Variants in ZNF239 observed in about 807,000 individuals in gnomAD.
ZNF239 encodes the protein zinc finger protein (C2H2) homologous to mouse MOK-2.
ZNF239 carries 16 observed loss-of-function variants against 27.5 expected under a neutral mutation model. That is an observed-to-expected ratio of 0.58 (90% CI 0.39 to 0.88). The LOEUF (loss-of-function observed/expected upper bound fraction) is 0.88. Ranked by LOEUF, ZNF239 falls within the 40% of genes least tolerant of loss-of-function variation. The pLI, the probability that ZNF239 is intolerant of heterozygous loss-of-function variation, is 0.00. For missense variants in ZNF239, 527 were observed against 551.9 expected (o/e 0.95, Z 0.45); for synonymous variants, 199 against 192.6 (o/e 1.03, Z -0.27).
chr10:43,572,876 C>T (rs1006347544), intron 2 of ZNF239, among the ~76,000 whole-genome samples: 10 of 152,128 alleles, frequency 6.6e-5, no homozygotes, highest in African/African-American at 2.4e-4. Flanking sequence ...TGTAGACATG[C>T]TAGTGAAAGA....
At chr10:43,566,578 G>A (rs1396957408) in intron 3 of ZNF239, among the ~76,000 whole-genome samples, 1 of 152,204 alleles carries the variant, frequency 6.6e-6, no homozygotes, top group South Asian at 2.1e-4. Context: ...GAGCCACTGT[G>A]CCCAGCCACT....
intron 3 of ZNF239, among the ~76,000 whole-genome samples, chr10:43,561,230 T>A (rs1837226649): frequency 6.6e-6 from 1 of 152,018 alleles, no homozygotes; most frequent in Admixed American, 6.6e-5. Context: ...AACAAAAAAA[T>A]GTTTCCTAGA....
At chr10:43,558,843 A>T (rs558158188) in intron 3 of ZNF239, among the ~76,000 whole-genome samples, 1 of 152,330 alleles carries the variant, frequency 6.6e-6, no homozygotes, top group African/African-American at 2.4e-5. Context: ...TTGCTTAACA[A>T]GCTAAAGCTT....
intron 3 of ZNF239, among the ~76,000 whole-genome samples, chr10:43,562,900 T>C (rs142303744): frequency 7.0e-4 from 106 of 152,330 alleles, no homozygotes; most frequent in African/African-American, 2.5e-3. Flanking sequence ...CGTACAATAC[T>C]TGGAAATGGC....
chr10:43,564,452 G>T (rs1220284301), intron 3 of ZNF239, among the ~76,000 whole-genome samples: 1 of 152,176 alleles, frequency 6.6e-6, no homozygotes, highest in Non-Finnish European at 1.5e-5. Flanking sequence ...TGGGATCTAG[G>T]AGTGTTAATA....
chr10:43,567,841 G>T (rs1837783203), intron 3 of ZNF239, 58 bp downstream of exon 3: 1 of 906,120 alleles, frequency 1.1e-6, no homozygotes, highest in Non-Finnish European at 1.3e-6. Flanking sequence ...TGTCAAAAAG[G>T]AAGTAGGAAA....
intron 3 of ZNF239, among the ~76,000 whole-genome samples, chr10:43,562,113 T>C (rs1259859774): frequency 6.6e-6 from 1 of 152,072 alleles, no homozygotes; most frequent in Non-Finnish European, 1.5e-5. Context: ...GGGGAGGTAA[T>C]ATAAAAAAGC....
chr10:43,570,551 C>A, intron 2 of ZNF239: 1 of 984,836 alleles, frequency 1.0e-6, no homozygotes, highest in Non-Finnish European at 1.2e-6. Context: ...CACCAATTAT[C>A]TTTTCTCTCC....
chr10:43,570,347 C>T, intron 2 of ZNF239: 1 of 985,346 alleles, frequency 1.0e-6, no homozygotes. Context: ...AAGGTTGCTG[C>T]CTTCAAGCTC....
Position 43,556,960 on chromosome 10 carries a change from G to A in ZNF239, c.1120C>T (p.Pro374Ser). 6.2e-7 allele frequency: 1 copy of A among 1,613,988 alleles called. No individual in the cohort carries two copies. Among genetic ancestry groups the A allele is most frequent in the Non-Finnish European group, 8.5e-7 (1 of 1,179,992 alleles). The change falls in exon 4 of 4, where the codon CCT (proline) becomes TCT (serine). Residue 374 changes from proline to serine, a missense_variant. Transcript: ENST00000374446. ...IHRCIHTGEK[P>S]YQCYECGKGF... Reference sequence around the variant, plus strand: ...TTCCCACACTCATAGCATTGGTAAGGCTTCTCTCCTGTGTGGATGCACCGG... The same window carrying A: ...TTCCCACACTCATAGCATTGGTAAGACTTCTCTCCTGTGTGGATGCACCGG...
intron 2 of ZNF239, among the ~76,000 whole-genome samples, chr10:43,568,982 G>A (rs574247724): frequency 2.6e-5 from 4 of 152,096 alleles, no homozygotes; most frequent in Non-Finnish European, 4.4e-5. Flanking sequence ...CCCGGGAGGC[G>A]GAGGTTGCAG....
intron 2 of ZNF239, among the ~76,000 whole-genome samples, chr10:43,573,093 T>C (rs779294203): frequency 1.3e-5 from 2 of 152,216 alleles, no homozygotes; most frequent in Non-Finnish European, 2.9e-5. Flanking sequence ...TTCTGATGCA[T>C]AGCCTAGTTG....
At chr10:43,558,484 TGCTGCCCAG>T (rs1836976121) in intron 3 of ZNF239, among the ~76,000 whole-genome samples, 1 of 152,182 alleles carries the variant, frequency 6.6e-6, no homozygotes, top group African/African-American at 2.4e-5. Context: ...AGTTTCACTC[TGCTGCCCAG>T]GCTGGAGTGC....
Position 43,573,637 on chromosome 10 carries a change from C to T in ZNF239, c.-216G>A, listed in dbSNP as rs1838174261. On this transcript the variant is annotated splice_region_variant and 5_prime_UTR_variant, in exon 2 of 4. Coordinates refer to ENST00000374446, the MANE Select transcript of ZNF239 (RefSeq NM_001099282.2). Reference sequence around the variant, plus strand: ...TAGGAGAAATGGAACGCCAACTCACCCGGACCCTGGTCATTTCTTACTCCC... The same window carrying T: ...TAGGAGAAATGGAACGCCAACTCACTCGGACCCTGGTCATTTCTTACTCCC... The T allele has an allele frequency of 1.0e-6, 1 of 985,288 alleles. No homozygotes were observed. The highest frequency in any genetic ancestry group is 1.2e-6 in the Non-Finnish European group (1 of 829,954). 61.0% of individuals were successfully genotyped at this position (985,288 alleles called of 1,614,324 possible). A position where few individuals can be genotyped will look rare whatever the true frequency, so the allele number is the denominator to read the frequency against.
In ZNF239 at chr10:43,557,575, GACT is replaced by G. The variant is rs1326980902; in HGVS notation, c.502_504del (p.Ser168del). On this transcript the variant is annotated inframe_deletion, in exon 4 of 4. Transcript: ENST00000374446. ...TTCTCCTCTGTATGAGCTCTCTGCT[GACT>G]ACAACTGACCACCTGTGATTTCCAT... is the stretch of plus-strand genomic sequence containing the variant. 1 of 1,614,132 alleles carries G rather than the reference GACT, an allele frequency of 6.2e-7. No homozygotes were observed. Among genetic ancestry groups the G allele is most frequent in the Non-Finnish European group, 8.5e-7 (1 of 1,180,026 alleles).
Position 43,557,489 on chromosome 10 carries a change from A to G in ZNF239, c.591T>C (p.Tyr197=). The change falls in exon 4 of 4, where the codon TAT becomes TAC. Residue 197 remains tyrosine (Y), a synonymous_variant. Coordinates refer to ENST00000374446, the MANE Select transcript of ZNF239 (RefSeq NM_001099282.2). The part of the protein sequence containing the change: ...ILNTSPDGHP[Y]EKIHTAEKQY... ...GTTTCTCTGCAGTGTGGATTTTCTC[A>G]TATGGATGACCATCTGGGCTGGTGT... is the stretch of plus-strand genomic sequence containing the variant. 1 of 1,614,112 alleles carries G rather than the reference A, an allele frequency of 6.2e-7. No individual in the cohort carries two copies. The highest frequency in any genetic ancestry group is 1.3e-5 in the African/African-American group (1 of 75,066).
intron 2 of ZNF239, chr10:43,570,333 A>G (rs1837950495): frequency 2.0e-6 from 2 of 985,320 alleles, no homozygotes; most frequent in African/African-American, 3.5e-5. Context: ...AACAAACAGA[A>G]GCAAAGGTTG....
At chr10:43,570,466 T>C (rs1247763420) in intron 2 of ZNF239, 34 of 985,038 alleles carry the variant, frequency 3.5e-5, no homozygotes, top group Non-Finnish European at 3.7e-5. Context: ...AAAAAAAATT[T>C]CTTTCTGTTT....
chr10:43,572,615 C>CGAAA (rs1432859285), intron 2 of ZNF239, among the ~76,000 whole-genome samples: 1 of 152,166 alleles, frequency 6.6e-6, no homozygotes, highest in Non-Finnish European at 1.5e-5. Flanking sequence ...GGACAAGGCA[C>CGAAA]TTTCCTTCGG....
Sources: gnomAD v4.1 joint callset for allele counts (sites outside exome capture counted in the v4.1 genomes callset) on GRCh38, gnomAD v4.1.1 for gene constraint, MANE v1.5 for transcripts, NCBI Gene and HGNC (gene_info 2026-07-23, HGNC 2026-07-21) for gene names.